The following RHEX variants were observed in gnomAD, a reference collection of about 807,000 sequenced individuals.
The protein encoded by RHEX is regulator of hemoglobinization and erythroid cell expansion.
In RHEX, 18 loss-of-function variants were observed where a neutral mutation model predicts 20.1. That is an observed-to-expected ratio of 0.90 (90% CI 0.62 to 1.33). RHEX has a LOEUF of 1.33. RHEX is among the 40% of genes most tolerant of loss of function. RHEX has a pLI of 0.00. For missense variants in RHEX, 192 were observed against 214.3 expected (o/e 0.90, Z 0.65); for synonymous variants, 87 against 77.1 (o/e 1.13, Z -0.67).
At chr1:206,064,271 A>G in intron 1 of RHEX, among the ~76,000 whole-genome samples, 2 of 139,680 alleles carry the variant, frequency 1.4e-5, no homozygotes, top group South Asian at 2.3e-4. Context: ...GGGGGGGGTC[A>G]GCCCCCCGCC....
intron 1 of RHEX, among the ~76,000 whole-genome samples, chr1:206,090,694 T>C (rs1553286937): frequency 6.6e-6 from 1 of 152,100 alleles, no homozygotes. Flanking sequence ...AATAGCATCT[T>C]TTTATGAGTT....
chr1:206,069,362 G>T (rs1662486947), intron 1 of RHEX, among the ~76,000 whole-genome samples: 2 of 152,132 alleles, frequency 1.3e-5, no homozygotes, highest in South Asian at 4.1e-4. Flanking sequence ...GATCTTACTG[G>T]GCTTCATAGG....
Position 206,099,461 on chromosome 1 carries a change from G to A in RHEX, c.113-194G>A, listed in dbSNP as rs187168671. Among the ~76,000 whole-genome samples the A allele has an allele frequency of 1.3e-4, 19 of 151,968 alleles. No individual in the cohort carries two copies. The East Asian group carries it at 2.3e-3, about 19-fold the overall frequency. ...AGCCTCCCTAGTATCTGACATTACC[G>A]GCACGCATCATCATGCCCAACTAAT... On this transcript the variant is annotated intron_variant, in intron 3 of 5. Transcript: ENST00000331555.
In RHEX at chr1:206,081,492, T is replaced by C. The variant is rs1057339582; in HGVS notation, c.-96-16241T>C. Among the ~76,000 whole-genome samples, 36 of 152,226 alleles carry C rather than the reference T, an allele frequency of 2.4e-4. 1 individual carries two copies. The highest frequency in any genetic ancestry group is 4.0e-4 in the Non-Finnish European group (27 of 68,034). On this transcript the variant is annotated intron_variant, in intron 1 of 5. Transcript: ENST00000331555. ...AGAGGGGATAAATGCCTCAGATTTT[T>C]AGGTCATTGAAGTTCAAGTCAAGTG...
chr1:206,060,101 A>C (rs1028815578), intron 1 of RHEX, among the ~76,000 whole-genome samples: 1 of 152,142 alleles, frequency 6.6e-6, no homozygotes, highest in Non-Finnish European at 1.5e-5. Context: ...ACACGACTTA[A>C]AGTCAGAGAG....
intron 1 of RHEX, among the ~76,000 whole-genome samples, chr1:206,077,507 C>T (rs1412137195): frequency 3.3e-5 from 5 of 152,070 alleles, no homozygotes; most frequent in African/African-American, 4.8e-5. Flanking sequence ...TGTGGTGGCT[C>T]ACATCTGTAA....
rs147405675 is a variant in RHEX, at chr1:206,099,683, G to A, written c.141G>A (p.Ala47=). ...MAHKSEQILK[A]ASLQVPRPSP... Reference sequence around the variant, plus strand: ...ACAAGAGTGAACAGATACTGAAAGCGGCCAGTCTCCAGGTTCCCAGGCCCA... The same window carrying A: ...ACAAGAGTGAACAGATACTGAAAGCAGCCAGTCTCCAGGTTCCCAGGCCCA... Residue 47 remains alanine, a synonymous_variant, in exon 4 of 6, where the codon GCG becomes GCA. Coordinates refer to ENST00000331555, the MANE Select transcript of RHEX (RefSeq NM_001007544.4). 95 of 1,614,054 alleles carry A rather than the reference G, an allele frequency of 5.9e-5. No homozygotes were observed. The African/African-American group carries it at 9.2e-4, about 16-fold the overall frequency.
intron 1 of RHEX, among the ~76,000 whole-genome samples, chr1:206,058,577 C>T (rs1399461890): frequency 6.6e-6 from 1 of 152,246 alleles, no homozygotes; most frequent in Non-Finnish European, 1.5e-5. Context: ...TGGCCTAAAC[C>T]CAGTAGTTAA....
chr1:206,089,999 T>G (rs144544689), intron 1 of RHEX, among the ~76,000 whole-genome samples: 1,976 of 152,168 alleles, frequency 0.013, 54 homozygotes, highest in Admixed American at 0.072. Context: ...CTGGATCTAA[T>G]TTATTTTCTT....
intron 1 of RHEX, among the ~76,000 whole-genome samples, chr1:206,053,725 G>A (rs1553282109): frequency 1.3e-5 from 2 of 152,220 alleles, no homozygotes; most frequent in Admixed American, 6.5e-5. Flanking sequence ...AGCCTGGACA[G>A]GTCCCTTGTT....
chr1:206,100,319 G>A (rs1171950945), intron 4 of RHEX, among the ~76,000 whole-genome samples: 2 of 152,186 alleles, frequency 1.3e-5, no homozygotes, highest in Non-Finnish European at 2.9e-5. Flanking sequence ...CCTCCTGCAA[G>A]TGAGCCAATA....
intron 1 of RHEX, among the ~76,000 whole-genome samples, chr1:206,055,206 G>A (rs574766318): frequency 3.9e-5 from 6 of 152,390 alleles, no homozygotes; most frequent in South Asian, 2.1e-4. Flanking sequence ...CCTGAGGGCC[G>A]TCCAGCTTCC....
intron 1 of RHEX, among the ~76,000 whole-genome samples, chr1:206,082,745 G>A (rs1662763255): frequency 1.3e-5 from 2 of 152,136 alleles, no homozygotes; most frequent in South Asian, 4.1e-4. Flanking sequence ...GTGGAACCAG[G>A]ATTGAAACCT....
Position 206,099,692 on chromosome 1 carries a change from C to T in RHEX, c.150C>T (p.Leu50=), listed in dbSNP as rs566682570. 2 of 1,614,160 alleles carry T rather than the reference C, an allele frequency of 1.2e-6. No homozygotes were observed. Among genetic ancestry groups the T allele is most frequent in the Admixed American group, 3.3e-5 (2 of 60,026 alleles). The change falls in exon 4 of 6, where the codon CTC becomes CTT. Residue 50 remains leucine, a synonymous_variant. Coordinates refer to ENST00000331555, the MANE Select transcript of RHEX (RefSeq NM_001007544.4). ...AACAGATACTGAAAGCGGCCAGTCT[C>T]CAGGTTCCCAGGCCCAGCCCTGGCC... is the stretch of plus-strand genomic sequence containing the variant. ...KSEQILKAAS[L]QVPRPSPGHH...
rs57739902 is a variant in RHEX at position 206,089,340 on chromosome 1, G to A, written c.-96-8393G>A. 5.9e-3 allele frequency among the ~76,000 whole-genome samples: 891 copies of A among 152,126 alleles called. 6 individuals carry two copies. The highest frequency in any genetic ancestry group is 0.02 in the African/African-American group (844 of 41,490). On this transcript the variant is annotated intron_variant, in intron 1 of 5. Coordinates refer to ENST00000331555, the MANE Select transcript of RHEX (RefSeq NM_001007544.4). ...TTACAGGTATGAGCCACCACGCCCA[G>A]CCTTATGTTCACTTTTTACAAAATT...
At chr1:206,055,784 T>A (rs1325072365) in intron 1 of RHEX, among the ~76,000 whole-genome samples, 3 of 152,400 alleles carry the variant, frequency 2.0e-5, no homozygotes, top group South Asian at 2.1e-4. Flanking sequence ...ACACTCTATG[T>A]GTCAGAAAGA....
intron 1 of RHEX, among the ~76,000 whole-genome samples, chr1:206,063,592 C>T (rs1369671020): frequency 6.6e-6 from 1 of 152,180 alleles, no homozygotes; most frequent in Non-Finnish European, 1.5e-5. Context: ...CGGGGTTTCG[C>T]TGTGTTGGCC....
At chr1:206,078,482 G>A in intron 1 of RHEX, among the ~76,000 whole-genome samples, 2 of 152,296 alleles carry the variant, frequency 1.3e-5, no homozygotes, top group East Asian at 3.9e-4. Context: ...GATGGCTTGA[G>A]CCCAGGAGGT....
intron 4 of RHEX, 84 bp downstream of exon 4, chr1:206,099,882 AT>A: frequency 7.5e-7 from 1 of 1,325,772 alleles, no homozygotes; most frequent in African/African-American, 1.4e-5. Flanking sequence ...CAGCAACCCC[AT>A]GGGCCCAAAC....
Sources: allele counts gnomAD v4.1 joint callset (sites outside exome capture counted in the v4.1 genomes callset), GRCh38; gene constraint gnomAD v4.1.1; transcripts MANE v1.5; gene names NCBI Gene and HGNC (gene_info 2026-07-23, HGNC 2026-07-21).